The following XYLT2 variants were observed in gnomAD, a reference collection of about 807,000 sequenced individuals.
XYLT2 encodes UDP-D-xylose:proteoglycan core protein beta-D-xylosyltransferase.
In XYLT2, 37 loss-of-function variants were observed where a neutral mutation model predicts 82.6. The observed-to-expected ratio is 0.45, with a 90% CI of 0.34 to 0.59. The LOEUF (loss-of-function observed/expected upper bound fraction) is 0.59, where lower values mean the gene tolerates loss of function less well. XYLT2 is among the 20% of genes least tolerant of loss of function. XYLT2 has a pLI of 0.01. For synonymous variants in XYLT2, 474 were observed against 499.0 expected, an observed-to-expected ratio of 0.95 and a Z score of 0.67; for missense variants, 934 against 1,181.3, an observed-to-expected ratio of 0.79 and a Z score of 3.07.
rs200978138 is a variant in XYLT2, at chr17:50,355,823, C to T, written c.1131C>T (p.Cys377=). Residue 377 remains cysteine (C), a synonymous_variant, in exon 6 of 11, where the codon TGC becomes TGT. Coordinates refer to ENST00000017003, the MANE Select transcript of XYLT2 (RefSeq NM_022167.4). ...KQGLDRLFHE[C]DSHMWRLGER... ...GCCTGGACCGGCTCTTCCATGAGTG[C>T]GACTCACACATGTGGCGCCTGGGCG... The T allele has an allele frequency of 1.1e-5, 18 of 1,614,230 alleles. No individual in the cohort carries two copies. The East Asian group carries it at 1.3e-4, about 12-fold the overall frequency.
At chr17:50,355,746 A>G in intron 5 of XYLT2, 35 bp from the exon 6 acceptor site, 1 of 1,611,456 alleles carries the variant, frequency 6.2e-7, no homozygotes, top group Non-Finnish European at 8.5e-7. Flanking sequence ...CCCACCCTGC[A>G]GGATCCCCAG....
In XYLT2 at chr17:50,355,856, G is replaced by C; in HGVS notation, c.1164G>C (p.Gln388His). 2.5e-6 allele frequency: 4 copies of C among 1,614,274 alleles called. No individual in the cohort carries two copies. Among genetic ancestry groups the C allele is most frequent in the Non-Finnish European group, 3.4e-6 (4 of 1,180,054 alleles). The change falls in exon 6 of 11, where the codon CAG (glutamine) becomes CAC (histidine). Residue 388 changes from glutamine to histidine, a missense_variant. By Grantham distance (24) the Gln-to-His change is conservative (BLOSUM62 0). This residue lies in a region of XYLT2 where 189 missense variants were observed against 320.8 expected (regional missense o/e 0.59). Coordinates refer to ENST00000017003, the MANE Select transcript of XYLT2 (RefSeq NM_022167.4). ...ACATGTGGCGCCTGGGCGAGCGGCA[G>C]ATCCCAGCAGGCATTGTGGTGGATG... is the stretch of plus-strand genomic sequence containing the variant. ...DSHMWRLGER[Q>H]IPAGIVVDGG... is the part of the protein sequence containing the mutation.
rs1165222288 is a variant in XYLT2 at position 50,358,452 on chromosome 17, T to C, written c.2187T>C (p.Val729=). ...SRPLRPGPWT[V]RLLQFWEPLG... Reference sequence around the variant, plus strand: ...CCCTGCGGCCAGGGCCCTGGACTGTTCGACTCCTTCAGTTCTGGGAACCGC... The same window carrying C: ...CCCTGCGGCCAGGGCCCTGGACTGTCCGACTCCTTCAGTTCTGGGAACCGC... Residue 729 remains valine, a synonymous_variant, in exon 10 of 11, where the codon GTT becomes GTC. Transcript: ENST00000017003. 1.2e-6 allele frequency: 2 copies of C among 1,614,164 alleles called. No homozygotes were observed. The highest frequency in any genetic ancestry group is 2.2e-5 in the South Asian group (2 of 91,084).
chr17:50,356,036 G>A (rs543778715), intron 6 of XYLT2, 39 bp downstream of exon 6: 16 of 1,613,996 alleles, frequency 9.9e-6, no homozygotes, highest in East Asian at 2.2e-5. Flanking sequence ...GGGAGGGCGT[G>A]GGTTGGGCTG....
intron 2 of XYLT2, 59 bp downstream of exon 2, chr17:50,354,181 G>A (rs1912406758): frequency 1.3e-5 from 21 of 1,594,098 alleles, no homozygotes; most frequent in Admixed American, 6.7e-5. Flanking sequence ...GGCATGGCCC[G>A]GATCCTCACC....
intron 10 of XYLT2, 61 bp downstream of exon 10, chr17:50,358,601 G>A: frequency 1.3e-6 from 2 of 1,492,438 alleles, no homozygotes. Context: ...CGCCAGAGAG[G>A]TGACCTCAAG....
intron 3 of XYLT2, 85 bp from the exon 4 acceptor site, chr17:50,354,769 G>C: frequency 6.3e-7 from 1 of 1,585,276 alleles, no homozygotes; most frequent in Non-Finnish European, 8.6e-7. Context: ...TGCTTTCCTC[G>C]TCTTGTGTCC....
At chr17:50,359,924 AG>A in intron 10 of XYLT2, 44 bp from the exon 11 acceptor site, 1 of 1,494,670 alleles carries the variant, frequency 6.7e-7, no homozygotes, top group Non-Finnish European at 9.0e-7. Context: ...GCCTCCACGG[AG>A]TCTGTTGCAG....
chr17:50,356,476 A>T (rs1159162094), intron 7 of XYLT2, 35 bp from the exon 8 acceptor site: 1 of 1,607,092 alleles, frequency 6.2e-7, no homozygotes, highest in Admixed American at 1.7e-5. Flanking sequence ...TGGGGCTTCC[A>T]GAGCCCTTCA....
At position 50,353,642 on chromosome 17, in the gene XYLT2, A is replaced by T. The variant is rs1436653712; in HGVS notation, c.148A>T (p.Arg50Trp). 6.4e-7 allele frequency: 1 copy of T among 1,565,298 alleles called. No homozygotes were observed. Among genetic ancestry groups the T allele is most frequent in the East Asian group, 2.4e-5 (1 of 42,326 alleles). ...ATCTCTCTTACAGAAAGGAAGGCAG[A>T]GGAAGCCACGGCCACTGGACCCTGG... The part of the protein sequence containing the change: ...EDEAGEKGRQ[R>W]KPRPLDPGEG... The change falls in exon 2 of 11, where the codon AGG (arginine) becomes TGG (tryptophan). Residue 50 changes from arginine (R) to tryptophan (W), a missense_variant. Arg to Trp is a moderately radical substitution (Grantham distance 101, BLOSUM62 -3). This residue lies in a region of XYLT2 where 371 missense variants were observed against 394.9 expected (regional missense o/e 0.94). Coordinates refer to ENST00000017003, the MANE Select transcript of XYLT2 (RefSeq NM_022167.4).
In XYLT2 at chr17:50,346,326, G is replaced by A. The variant is rs1912035110; in HGVS notation, c.135+51G>A. On this transcript the variant is annotated intron_variant, in intron 1 of 10. Coordinates refer to ENST00000017003, the MANE Select transcript of XYLT2 (RefSeq NM_022167.4). This position sits in a 1 kb window ranked among gnomAD's most constrained non-coding sequence, Gnocchi z 5.1. The stretch of plus-strand genomic sequence containing the variant: ...CAGGCCGGGCGCGGGGGCGCGCGGG[G>A]TCCTGGCGGGGCTGCGGGCGGCCCC... The A allele has an allele frequency of 3.0e-6, 3 of 1,014,096 alleles. No homozygotes were observed. Among genetic ancestry groups the A allele is most frequent in the African/African-American group, 3.5e-5 (2 of 57,346 alleles). 62.8% of individuals were successfully genotyped at this position (1,014,096 alleles called of 1,614,324 possible). A position where few individuals can be genotyped will look rare whatever the true frequency, so the allele number is the denominator to read the frequency against.
chr17:50,351,043 C>T lies in XYLT2; in HGVS notation c.136-2587C>T, dbSNP rs541994437. Reference sequence around the variant, plus strand: ...GGTGGAGAAGGGGGCATCCAGACAGCTCATGGAGCCTCTGTAGGCTCCTGT... The same window carrying T: ...GGTGGAGAAGGGGGCATCCAGACAGTTCATGGAGCCTCTGTAGGCTCCTGT... On this transcript the variant is annotated intron_variant, in intron 1 of 10. Coordinates refer to ENST00000017003, the MANE Select transcript of XYLT2 (RefSeq NM_022167.4). Among the ~76,000 whole-genome samples, 4 of 152,268 alleles carry T rather than the reference C, an allele frequency of 2.6e-5. No homozygotes were observed. In the South Asian group the frequency reaches 6.2e-4, roughly 24 times the overall value.
chr17:50,356,379 A>G, intron 7 of XYLT2, 118 bp downstream of exon 7: 2 of 1,549,708 alleles, frequency 1.3e-6, no homozygotes, highest in East Asian at 2.3e-5. Flanking sequence ...AGCAACCCTC[A>G]GGGGTCTGGG....
At chr17:50,348,399 G>C (rs1912125856) in intron 1 of XYLT2, among the ~76,000 whole-genome samples, 1 of 152,208 alleles carries the variant, frequency 6.6e-6, no homozygotes, top group Admixed American at 6.5e-5. Context: ...GGAGGGTGTG[G>C]TGCTTTCCCT....
rs76613607 is a variant in XYLT2, at chr17:50,356,930, G to A, written c.1746-127G>A. On this transcript the variant is annotated intron_variant, in intron 8 of 10. Coordinates refer to ENST00000017003, the MANE Select transcript of XYLT2 (RefSeq NM_022167.4). ...GACGGCTAGAGCCAGGCATGCAGGTGCTGTGGGGGTGAGATCTGGGGAAAG... is the reference window on the plus strand; with the variant it reads ...GACGGCTAGAGCCAGGCATGCAGGTACTGTGGGGGTGAGATCTGGGGAAAG... The A allele has an allele frequency of 6.2e-5, 90 of 1,459,578 alleles. No homozygotes were observed. In the African/African-American group the frequency reaches 1.1e-3, roughly 17 times the overall value. 90.4% of individuals were successfully genotyped at this position (1,459,578 alleles called of 1,614,324 possible). A position where few individuals can be genotyped will look rare whatever the true frequency, so the allele number is the denominator to read the frequency against.
intron 1 of XYLT2, chr17:50,347,032 C>A: frequency 1.4e-6 from 1 of 699,668 alleles, no homozygotes; most frequent in Non-Finnish European, 1.8e-6. Flanking sequence ...GCAGGGGCAA[C>A]CAACAGCCGT....
In XYLT2 at chr17:50,354,014, G is replaced by T; in HGVS notation, c.520G>T (p.Ala174Ser). ...IVGKDALSAL[A>S]RASTKQCQQE... ...GGGCAAGGACGCACTGTCTGCACTG[G>T]CCCGGGCCAGCACCAAGCAGTGCCA... Residue 174 changes from alanine (A) to serine (S), a missense_variant, in exon 2 of 11, where the codon GCC becomes TCC. Coordinates refer to ENST00000017003, the MANE Select transcript of XYLT2 (RefSeq NM_022167.4). 6.2e-7 allele frequency: 1 copy of T among 1,607,330 alleles called. No homozygotes were observed.
At position 50,360,276 on chromosome 17, in the gene XYLT2, C is replaced by G. The variant is rs374244169; in HGVS notation, c.2583C>G (p.Asp861Glu). 1 of 1,595,874 alleles carries G rather than the reference C, an allele frequency of 6.3e-7. No homozygotes were observed. The highest frequency in any genetic ancestry group is 1.1e-5 in the South Asian group (1 of 89,368). The change falls in exon 11 of 11, where the codon GAC becomes GAG. Residue 861 changes from aspartate to glutamate, a missense_variant. Asp to Glu is a conservative substitution (Grantham distance 45, BLOSUM62 2). Transcript: ENST00000017003. ...PKSELGPVKA[D>E]GRLR ...CAGAGCTGGGGCCTGTCAAAGCAGACGGGCGACTCAGGTAGCAGGGCCCCA... is the reference window on the plus strand; with the variant it reads ...CAGAGCTGGGGCCTGTCAAAGCAGAGGGGCGACTCAGGTAGCAGGGCCCCA...
Position 50,353,636 on chromosome 17 carries a change from A to G in XYLT2, c.142A>G (p.Arg48Gly), listed in dbSNP as rs1369599573. The G allele has an allele frequency of 6.4e-7, 1 of 1,564,244 alleles. No individual in the cohort carries two copies. The highest frequency in any genetic ancestry group is 8.7e-7 in the Non-Finnish European group (1 of 1,153,552). ...LEEDEAGEKG[R>G]QRKPRPLDPG... is the part of the protein sequence containing the mutation. Reference sequence around the variant, plus strand: ...GTCTGCATCTCTCTTACAGAAAGGAAGGCAGAGGAAGCCACGGCCACTGGA... The same window carrying G: ...GTCTGCATCTCTCTTACAGAAAGGAGGGCAGAGGAAGCCACGGCCACTGGA... The change falls in exon 2 of 11, where the codon AGG (arginine) becomes GGG (glycine). Residue 48 changes from arginine (R) to glycine (G), a missense_variant. Transcript: ENST00000017003.
Sources: gnomAD v4.1 joint callset for allele counts (sites outside exome capture counted in the v4.1 genomes callset) on GRCh38, gnomAD v4.1.1 for gene constraint, gnomAD v4.1.1 regional missense constraint, Gnocchi (gnomAD v3.1) non-coding constraint, MANE v1.5 for transcripts, NCBI Gene and HGNC (gene_info 2026-07-23, HGNC 2026-07-21) for gene names.